ABL2: variants seen among roughly 807,000 people sequenced by gnomAD.
ABL2 encodes the protein tyrosine-protein kinase ABL2.
ABL2 carries 49 observed loss-of-function variants against 107.7 expected under a neutral mutation model. That is an observed-to-expected ratio of 0.45 (90% CI 0.36 to 0.58). The LOEUF (loss-of-function observed/expected upper bound fraction) is 0.58. ABL2 is among the 20% of genes least tolerant of loss of function. The pLI, the probability that ABL2 is intolerant of heterozygous loss-of-function variation, is 0.00. For synonymous variants in ABL2, 549 were observed against 548.6 expected (o/e 1.00, Z -0.01); for missense variants, 1,245 against 1,457.0 (o/e 0.85, Z 2.37).
At chr1:179,129,340 C>T (rs2486995) in intron 3 of ABL2, among the ~76,000 whole-genome samples, 52,911 of 152,012 alleles carry the variant, frequency 0.35, 9,607 homozygotes, top group East Asian at 0.49. Context: ...AGTGAAGAAT[C>T]AATAAAGGTA....
At chr1:179,224,010 TC>T (rs1435200435) in intron 1 of ABL2, among the ~76,000 whole-genome samples, 6 of 149,574 alleles carry the variant, frequency 4.0e-5, no homozygotes, top group South Asian at 2.1e-4. Context: ...GCACCTATAG[TC>T]CCAGGTATTC....
At chr1:179,184,429 C>A (rs1451196482) in intron 1 of ABL2, 1 of 997,320 alleles carries the variant, frequency 1.0e-6, no homozygotes, top group Non-Finnish European at 1.5e-6. Context: ...CATGAGGCAC[C>A]AGAGAGCTTC....
chr1:179,149,392 A>AGCAGCAAGTGCTGATTTAGAAGCT (rs1658227623), intron 1 of ABL2, among the ~76,000 whole-genome samples: 1 of 152,250 alleles, frequency 6.6e-6, no homozygotes, highest in African/African-American at 2.4e-5. Context: ...TACAAGGTGA[A>AGCAGCAAGTGCTGATTTAGAAGCT]GCAGCAAGTG....
rs1009912222 is a variant in ABL2, at chr1:179,144,228, T to C, written c.158-10854A>G. ...ATCCCAGCACTTTGGGAGGCAGAGGTGGGTGTATCACAAGGTCAGGAGATC... is the reference window on the plus strand; with the variant it reads ...ATCCCAGCACTTTGGGAGGCAGAGGCGGGTGTATCACAAGGTCAGGAGATC... On this transcript the variant is annotated intron_variant, in intron 1 of 11. Coordinates refer to ENST00000502732, the MANE Select transcript of ABL2 (RefSeq NM_007314.4). Among the ~76,000 whole-genome samples the C allele has an allele frequency of 7.3e-5, 11 of 151,264 alleles. No individual in the cohort carries two copies. In the East Asian group the frequency reaches 2.2e-3, roughly 30 times the overall value.
chr1:179,184,119 G>A, intron 1 of ABL2: 1 of 297,066 alleles, frequency 3.4e-6, no homozygotes, highest in Non-Finnish European at 6.5e-6. Flanking sequence ...AAGTTTTGGG[G>A]TTACAACGTT....
chr1:179,198,795 T>C (rs1297908456), intron 1 of ABL2, among the ~76,000 whole-genome samples: 3 of 151,276 alleles, frequency 2.0e-5, no homozygotes, highest in African/African-American at 4.9e-5. Flanking sequence ...ACATGAATTC[T>C]AGGAATGCTA....
In ABL2 at chr1:179,229,427, C is replaced by G. The variant is rs766249438; in HGVS notation, c.-30G>C. 7.4e-6 allele frequency: 11 copies of G among 1,484,060 alleles called. No individual in the cohort carries two copies. In the East Asian group the frequency reaches 7.8e-5, roughly 11 times the overall value. The allele number at this position is 1,484,060 out of a possible 1,614,324, so 91.9% of individuals were successfully genotyped here. On this transcript the variant is annotated 5_prime_UTR_variant, in exon 1 of 12. Coordinates refer to ENST00000502732, the MANE Select transcript of ABL2 (RefSeq NM_007314.4). The stretch of plus-strand genomic sequence containing the variant: ...GCTCTCGCGTACTCCCGCGCCCCCG[C>G]CGACCCCTGGTCACATTCCTCCTCG...
Position 179,101,795 on chromosome 1 carries a change from T to G in ABL2, c.*5923A>C, listed in dbSNP as rs940752081. On this transcript the variant is annotated 3_prime_UTR_variant, in exon 12 of 12. Coordinates refer to ENST00000502732, the MANE Select transcript of ABL2 (RefSeq NM_007314.4). ...CCAAGAGACAGGCTGGACTGAGTCA[T>G]GGGGGTGAGTGCTCCAGAGTAGGCT... The G allele has an allele frequency of 2.1e-5, 4 of 189,340 alleles. No individual in the cohort carries two copies. The Admixed American group carries it at 2.5e-4, about 12-fold the overall frequency. The allele number at this position is 189,340 out of a possible 1,614,324, so 11.7% of individuals were successfully genotyped here.
chr1:179,191,741 T>A (rs1274309406), intron 1 of ABL2, among the ~76,000 whole-genome samples: 1 of 152,202 alleles, frequency 6.6e-6, no homozygotes, highest in East Asian at 1.9e-4. Context: ...TTACTTCATA[T>A]ATACATATTC....
chr1:179,158,185 T>G (rs1475878708), intron 1 of ABL2, among the ~76,000 whole-genome samples: 1 of 151,992 alleles, frequency 6.6e-6, no homozygotes, highest in Non-Finnish European at 1.5e-5. Flanking sequence ...AGGCAAAAGG[T>G]AGAGAAAAGC....
At chr1:179,213,668 C>G (rs564632820) in intron 1 of ABL2, among the ~76,000 whole-genome samples, 2 of 152,164 alleles carry the variant, frequency 1.3e-5, no homozygotes, top group African/African-American at 4.8e-5. Flanking sequence ...TAGCTGCCAT[C>G]CTCAACAGTA....
chr1:179,152,815 C>T (rs1365787295), intron 1 of ABL2, among the ~76,000 whole-genome samples: 1 of 152,056 alleles, frequency 6.6e-6, no homozygotes, highest in East Asian at 1.9e-4. Context: ...ATGATAAGGG[C>T]CTGGCCACAG....
At chr1:179,111,827 T>C (rs1276084807) in intron 10 of ABL2, among the ~76,000 whole-genome samples, 1 of 152,060 alleles carries the variant, frequency 6.6e-6, no homozygotes, top group Non-Finnish European at 1.5e-5. Flanking sequence ...GTGGATCACT[T>C]AAGGTTAAGA....
At chr1:179,169,239 A>C (rs1659573911) in intron 1 of ABL2, among the ~76,000 whole-genome samples, 1 of 152,138 alleles carries the variant, frequency 6.6e-6, no homozygotes, top group African/African-American at 2.4e-5. Context: ...CACTATGAGA[A>C]ACAATAACAG....
At chr1:179,182,884 T>C (rs1410807316) in intron 1 of ABL2, among the ~76,000 whole-genome samples, 1 of 152,224 alleles carries the variant, frequency 6.6e-6, no homozygotes, top group African/African-American at 2.4e-5. Flanking sequence ...ATCTGATTTA[T>C]GGAATATTTT....
At chr1:179,141,115 CAAAAAAA>C (rs34158477) in intron 1 of ABL2, among the ~76,000 whole-genome samples, 50 of 62,926 alleles carry the variant, frequency 7.9e-4, no homozygotes, top group East Asian at 4.3e-3. Context: ...GACTCTGTCT[CAAAAAAA>C]AAAAAAAAAA....
chr1:179,157,432 G>A, intron 1 of ABL2, among the ~76,000 whole-genome samples: 1 of 151,964 alleles, frequency 6.6e-6, no homozygotes, highest in Non-Finnish European at 1.5e-5. Context: ...GGGAGGCGGA[G>A]GTTGCAGTGA....
At chr1:179,110,953 G>T in intron 10 of ABL2, 13 of 1,292,790 alleles carry the variant, frequency 1.0e-5, no homozygotes, top group South Asian at 6.8e-5. Context: ...CTGCATGCTT[G>T]CTAAAATTTG....
chr1:179,163,299 C>T (rs1659181393), intron 1 of ABL2, among the ~76,000 whole-genome samples: 1 of 152,188 alleles, frequency 6.6e-6, no homozygotes, highest in Non-Finnish European at 1.5e-5. Context: ...AATGGTGTAG[C>T]CACTCTGGAA....
Sources: gnomAD v4.1 joint callset for allele counts (sites outside exome capture counted in the v4.1 genomes callset) on GRCh38, gnomAD v4.1.1 for gene constraint, MANE v1.5 for transcripts, NCBI Gene and HGNC (gene_info 2026-07-23, HGNC 2026-07-21) for gene names.